NUP205: variants seen among roughly 807,000 people sequenced by gnomAD.
NUP205 encodes nucleoporin 205, also known as nuclear pore complex protein Nup205.
Under a neutral mutation model 253.8 loss-of-function variants are expected in NUP205, and 76 were observed. That is an observed-to-expected ratio of 0.30 (90% confidence interval 0.25 to 0.36). The LOEUF (loss-of-function observed/expected upper bound fraction) is 0.36. NUP205 is among the 10% of genes least tolerant of loss of function. The pLI is 1.00. For synonymous variants in NUP205, 832 were observed against 850.1 expected (o/e 0.98, Z 0.37); for missense variants, 2,162 against 2,425.5 (o/e 0.89, Z 2.28).
intron 1 of NUP205, 100 bp from the exon 2 acceptor site, chr7:135,571,005 A>G: frequency 8.6e-6 from 5 of 583,750 alleles, no homozygotes; most frequent in Non-Finnish European, 1.4e-5. Context: ...TAGATTAAAA[A>G]GTAGCTGTGG....
intron 18 of NUP205, among the ~76,000 whole-genome samples, chr7:135,603,595 C>T (rs1196214520): frequency 2.0e-5 from 3 of 151,156 alleles, no homozygotes; most frequent in East Asian, 1.9e-4. Context: ...CTGCAACCTT[C>T]GCCTCCCAGG....
intron 38 of NUP205, among the ~76,000 whole-genome samples, chr7:135,641,742 G>A (rs1349128685): frequency 8.4e-6 from 1 of 118,350 alleles, no homozygotes; most frequent in African/African-American, 3.1e-5. Flanking sequence ...TGAGGTTGCA[G>A]TGATCCCTAT....
chr7:135,597,452 A>G, intron 14 of NUP205, 34 bp downstream of exon 14: 10 of 1,309,302 alleles, frequency 7.6e-6, no homozygotes, highest in South Asian at 2.4e-5. Flanking sequence ...ATGTTAATTC[A>G]TTCATGCATG....
At chr7:135,559,019 A>G (rs1025729910) in intron 1 of NUP205, among the ~76,000 whole-genome samples, 2 of 152,234 alleles carry the variant, frequency 1.3e-5, no homozygotes, top group East Asian at 3.8e-4. Flanking sequence ...AACACATACT[A>G]TATCCCAGCA....
chr7:135,626,325 A>T lies in NUP205; in HGVS notation c.4757A>T (p.Gln1586Leu). The part of the protein sequence containing the change: ...SGVIVRLAQC[Q>L]VYDMRPETDP... ...GTGATTGTGAGACTAGCTCAATGCC[A>T]AGTCTATGACATGCGCCCAGAAACG... The change falls in exon 33 of 43, where the codon CAA (glutamine) becomes CTA (leucine). Residue 1586 changes from glutamine to leucine, a missense_variant. Gln to Leu is a moderately radical substitution (Grantham distance 113). This residue lies in a region of NUP205 where 1,144 missense variants were observed against 1,280.9 expected (regional missense o/e 0.89). Coordinates refer to ENST00000285968, the MANE Select transcript of NUP205 (RefSeq NM_015135.3). 1.2e-6 allele frequency: 2 copies of T among 1,614,182 alleles called. No individual in the cohort carries two copies. The highest frequency in any genetic ancestry group is 1.7e-6 in the Non-Finnish European group (2 of 1,180,012).
chr7:135,564,461 T>C (rs887154372), intron 1 of NUP205, among the ~76,000 whole-genome samples: 1 of 151,672 alleles, frequency 6.6e-6, no homozygotes, highest in Non-Finnish European at 1.5e-5. Flanking sequence ...ATGTTGGCCA[T>C]GCTGGTCTTG....
At chr7:135,597,225 G>A in intron 13 of NUP205, 143 bp from the exon 14 acceptor site, 1 of 557,342 alleles carries the variant, frequency 1.8e-6, no homozygotes, top group Non-Finnish European at 3.3e-6. Flanking sequence ...AGTCCATCCA[G>A]GGACTAATTG....
intron 1 of NUP205, 114 bp downstream of exon 1, chr7:135,558,086 C>G: frequency 1.1e-6 from 1 of 894,542 alleles, no homozygotes; most frequent in Non-Finnish European, 1.9e-6. Context: ...GCGGTGCCTG[C>G]TTTTCCCTAA....
chr7:135,641,739 GCAGT>G, intron 38 of NUP205, among the ~76,000 whole-genome samples: 1 of 151,792 alleles, frequency 6.6e-6, no homozygotes, highest in Admixed American at 6.6e-5. Flanking sequence ...GGTTGAGGTT[GCAGT>G]GATCCCTATT....
Position 135,622,721 on chromosome 7 carries a change from C to G in NUP205, c.4331-56C>G, listed in dbSNP as rs563170355. 1.9e-5 allele frequency: 28 copies of G among 1,465,214 alleles called. No homozygotes were observed. The African/African-American group carries it at 3.7e-4, about 19-fold the overall frequency. The allele number at this position is 1,465,214 out of a possible 1,614,324, so 90.8% of individuals were successfully genotyped here. On this transcript the variant is annotated intron_variant, in intron 30 of 42. Transcript: ENST00000285968. ...ATACCTAGCATGTGAGGTATAATTA[C>G]TCAGTTATTACACTGCTTTTTACTG...
In NUP205 at chr7:135,600,940, A is replaced by T. The variant is rs763766433; in HGVS notation, c.2345A>T (p.Asp782Val). ...AGAGATTATGAGCCTCAGCTTGAAG[A>T]TTTTGTAGACCAGTTTGTGGAACTA... is the stretch of plus-strand genomic sequence containing the variant. ...LLRDYEPQLEDFVDQFVELQG... is the reference protein window; with the variant it reads ...LLRDYEPQLEVFVDQFVELQG... Residue 782 changes from aspartate (D) to valine (V), a missense_variant, in exon 16 of 43, where the codon GAT becomes GTT. Physicochemically the swap from Asp to Val is radical, Grantham distance 152 (BLOSUM62 -3). This residue lies in a region of NUP205 where 892 missense variants were observed against 957.1 expected (regional missense o/e 0.93). Coordinates refer to ENST00000285968, the MANE Select transcript of NUP205 (RefSeq NM_015135.3). 1 of 1,610,214 alleles carries T rather than the reference A, an allele frequency of 6.2e-7. No homozygotes were observed. The highest frequency in any genetic ancestry group is 1.7e-5 in the Admixed American group (1 of 59,902).
chr7:135,644,839 C>T, intron 39 of NUP205, 56 bp from the exon 40 acceptor site: 14 of 1,565,668 alleles, frequency 8.9e-6, no homozygotes, highest in Non-Finnish European at 1.2e-5. Flanking sequence ...AGTAGTTTTT[C>T]ATTAAAAATT....
Position 135,578,797 on chromosome 7 carries a change from A to G in NUP205, c.924A>G (p.Ala308=). The change falls in exon 7 of 43, where the codon GCA becomes GCG. Residue 308 remains alanine (A), a synonymous_variant. Transcript: ENST00000285968. ...TGTTGACAGAAAAACAGTACATTGC[A>G]ACAATTCACTCTCGTCTTCAGGACT... ...LPLLTEKQYI[A]TIHSRLQDSQ... 1 of 1,610,212 alleles carries G rather than the reference A, an allele frequency of 6.2e-7. No individual in the cohort carries two copies. Among genetic ancestry groups the G allele is most frequent in the South Asian group, 1.1e-5 (1 of 90,448 alleles).
chr7:135,569,583 C>T (rs1484347198), intron 1 of NUP205, among the ~76,000 whole-genome samples: 1 of 151,686 alleles, frequency 6.6e-6, no homozygotes, highest in Non-Finnish European at 1.5e-5. Context: ...TTTGACCTCT[C>T]TGCCTCAGTT....
At position 135,648,611 on chromosome 7, in the gene NUP205, A is replaced by G. The variant is rs1795061206; in HGVS notation, c.*55A>G. ...AGATGAATTGGGGAGAATTGTCTCC[A>G]TTTTATAGATTAGTTTCTTTCTAAA... is the stretch of plus-strand genomic sequence containing the variant. On this transcript the variant is annotated 3_prime_UTR_variant, in exon 43 of 43. Transcript: ENST00000285968. 1.4e-5 allele frequency: 18 copies of G among 1,301,606 alleles called. No individual in the cohort carries two copies. The highest frequency in any genetic ancestry group is 1.8e-5 in the Non-Finnish European group (18 of 991,416). 80.6% of individuals were successfully genotyped at this position (1,301,606 alleles called of 1,614,324 possible). A position where few individuals can be genotyped will look rare whatever the true frequency, so the allele number is the denominator to read the frequency against.
intron 36 of NUP205, among the ~76,000 whole-genome samples, chr7:135,636,593 A>G (rs1794815525): frequency 6.6e-6 from 1 of 152,200 alleles, no homozygotes; most frequent in South Asian, 2.1e-4. Flanking sequence ...AAATGTTTGA[A>G]TGCATCTATT....
In NUP205 at chr7:135,617,692, A is replaced by G. The variant is rs781095322; in HGVS notation, c.3771+10A>G. On this transcript the variant is annotated intron_variant, in intron 27 of 42. Coordinates refer to ENST00000285968, the MANE Select transcript of NUP205 (RefSeq NM_015135.3). ...ACCTCTACTAATGGAGGTAAGCTCT[A>G]TTGAGTATGTGTTCGTTTCAAACTT... 7 of 1,563,326 alleles carry G rather than the reference A, an allele frequency of 4.5e-6. No individual in the cohort carries two copies. The East Asian group carries it at 6.7e-5, about 15-fold the overall frequency.
chr7:135,629,002 A>G (rs1052772579), intron 34 of NUP205, among the ~76,000 whole-genome samples: 1 of 152,242 alleles, frequency 6.6e-6, no homozygotes, highest in African/African-American at 2.4e-5. Flanking sequence ...GTGGGACATT[A>G]TGATATAAGA....
chr7:135,614,502 A>T (rs1273319108), intron 23 of NUP205, among the ~76,000 whole-genome samples: 2 of 152,214 alleles, frequency 1.3e-5, no homozygotes, highest in Admixed American at 1.3e-4. Context: ...CTCTTACAAC[A>T]AATAAAATTT....
Sources: gnomAD v4.1 joint callset for allele counts (sites outside exome capture counted in the v4.1 genomes callset) on GRCh38, gnomAD v4.1.1 for gene constraint, gnomAD v4.1.1 regional missense constraint, MANE v1.5 for transcripts, NCBI Gene and HGNC (gene_info 2026-07-23, HGNC 2026-07-21) for gene names.